MFSD8: variants seen among roughly 807,000 people sequenced by gnomAD.
MFSD8 encodes the protein major facilitator superfamily domain-containing protein 8.
Under a neutral mutation model 66.4 loss-of-function variants are expected in MFSD8, and 55 were observed. The observed-to-expected ratio is 0.83, with a 90% CI of 0.67 to 1.04. The LOEUF (loss-of-function observed/expected upper bound fraction) is 1.04, where lower values mean the gene tolerates loss of function less well. MFSD8 is among the 50% of genes least tolerant of loss of function. The probability of loss-of-function intolerance (pLI) is 0.00; values close to 1 mark genes in which losing one functional copy is unlikely to be tolerated. For synonymous variants in MFSD8, 202 were observed against 212.8 expected, an observed-to-expected ratio of 0.95 and a Z score of 0.44; for missense variants, 550 against 627.6, an observed-to-expected ratio of 0.88 and a Z score of 1.32.
chr4:127,920,820 C>T lies in MFSD8; in HGVS notation c.1367G>A (p.Trp456Ter). The T allele has an allele frequency of 1.2e-6, 2 of 1,613,888 alleles. No individual in the cohort carries two copies. The highest frequency in any genetic ancestry group is 1.7e-6 in the Non-Finnish European group (2 of 1,179,974). The change falls in exon 12 of 12, where the codon TGG (tryptophan) becomes TAG (stop). Residue 456 changes from tryptophan to a stop codon, truncating the protein, a stop_gained. Coordinates refer to ENST00000641686, the MANE Select transcript of MFSD8 (RefSeq NM_001371596.2). LOFTEE classifies it high-confidence loss of function. The part of the protein sequence containing the change: ...GPKPQGVYMG[W>*]LTASGSGARI... ...GGCTCCACTTCCAGATGCTGTTAAC[C>T]AGCCCATGTATACACCCTGTTGGGG... is the stretch of plus-strand genomic sequence containing the variant.
At chr4:127,923,539 T>TTA (rs1736662597) in intron 9 of MFSD8, among the ~76,000 whole-genome samples, 1 of 126,878 alleles carries the variant, frequency 7.9e-6, no homozygotes, top group African/African-American at 3.6e-5. Flanking sequence ...CAGTATTTTA[T>TTA]TTTTTATTTT....
Position 127,919,595 on chromosome 4 carries a change from CTTA to C in MFSD8, c.*1032_*1034del, listed in dbSNP as rs1351950011. ...GATTAAAGCCATTTTGCCTCAAATA[CTTA>C]TTAGCCTGACTAGTTTGGGGCTGTC... On this transcript the variant is annotated 3_prime_UTR_variant, in exon 12 of 12. Transcript: ENST00000641686. The C allele has an allele frequency of 1.3e-5, 2 of 152,070 alleles. No homozygotes were observed. The highest frequency in any genetic ancestry group is 2.9e-5 in the Non-Finnish European group (2 of 68,022). 9.4% of individuals were successfully genotyped at this position (152,070 alleles called of 1,614,324 possible).
At chr4:127,944,691 C>T (rs1383534415) in intron 3 of MFSD8, among the ~76,000 whole-genome samples, 1 of 152,008 alleles carries the variant, frequency 6.6e-6, no homozygotes, top group African/African-American at 2.4e-5. Context: ...GACAGGGTCT[C>T]ACTCTGACAT....
In MFSD8 at chr4:127,930,873, AAAGTG is replaced by A. The variant is rs1299374958; in HGVS notation, c.864-61_864-57del. 3.0e-5 allele frequency: 45 copies of A among 1,506,758 alleles called. No homozygotes were observed. In the Admixed American group the frequency reaches 6.0e-4, roughly 20 times the overall value. The allele number at this position is 1,506,758 out of a possible 1,614,324, so 93.3% of individuals were successfully genotyped here. On this transcript the variant is annotated intron_variant, in intron 8 of 11. Transcript: ENST00000641686. ...TTAAATCACAGTAACTGTTATACTT[AAAGTG>A]AAGTGTAAGTTTTAATAACGACATC...
chr4:127,935,957 C>T (rs1020575345), intron 7 of MFSD8, among the ~76,000 whole-genome samples: 1 of 152,098 alleles, frequency 6.6e-6, no homozygotes, highest in Non-Finnish European at 1.5e-5. Context: ...TGTAGATGCT[C>T]AGCATCTCAC....
In MFSD8 at chr4:127,921,662, T is replaced by C; in HGVS notation, c.1212A>G (p.Glu404=). The C allele has an allele frequency of 1.9e-6, 3 of 1,614,156 alleles. No homozygotes were observed. The highest frequency in any genetic ancestry group is 1.1e-5 in the South Asian group (1 of 91,080). The change falls in exon 11 of 12, where the codon GAA becomes GAG. Residue 404 remains glutamate (E), a synonymous_variant. Coordinates refer to ENST00000641686, the MANE Select transcript of MFSD8 (RefSeq NM_001371596.2). ...CCGGGGTGTAGAGGCACCAGGCTTG[T>C]TCAATCGAGCAACCAGTTGGTCTTT... ...DNERPTGCSI[E]QAWCLYTPVI...
At chr4:127,943,681 G>A in intron 4 of MFSD8, 71 bp downstream of exon 4, 1 of 1,587,622 alleles carries the variant, frequency 6.3e-7, no homozygotes, top group Non-Finnish European at 8.6e-7. Flanking sequence ...GATGAGACCA[G>A]TTAAAAGTGA....
At chr4:127,922,872 T>G (rs1436634045) in intron 9 of MFSD8, among the ~76,000 whole-genome samples, 1 of 152,154 alleles carries the variant, frequency 6.6e-6, no homozygotes, top group Admixed American at 6.6e-5. Context: ...TAATGATTCA[T>G]TAATGAATTA....
chr4:127,954,322 A>G (rs566211368), intron 2 of MFSD8, among the ~76,000 whole-genome samples: 2 of 152,342 alleles, frequency 1.3e-5, no homozygotes, highest in East Asian at 3.9e-4. Context: ...TAGAGGCAAC[A>G]AAAGATAAAA....
intron 11 of MFSD8, chr4:127,921,054 GCT>G: frequency 1.7e-6 from 1 of 589,950 alleles, no homozygotes; most frequent in Non-Finnish European, 3.0e-6. Flanking sequence ...CTTACTGTCT[GCT>G]GAAGCCCTGG....
At chr4:127,938,602 AATAAATAAATAAAT>A (rs1739537253) in intron 7 of MFSD8, among the ~76,000 whole-genome samples, 167 bp downstream of exon 7, 1 of 136,574 alleles carries the variant, frequency 7.3e-6, no homozygotes, top group South Asian at 2.2e-4. Flanking sequence ...AAAATAAATA[AATAAATAAATAAAT>A]AAATAAATAA....
chr4:127,934,373 G>C (rs1034997744), intron 7 of MFSD8, among the ~76,000 whole-genome samples: 4 of 152,010 alleles, frequency 2.6e-5, no homozygotes, highest in African/African-American at 9.7e-5. Flanking sequence ...TATAAATAAG[G>C]AGGACAAAGT....
chr4:127,927,010 C>T (rs1462542699), intron 9 of MFSD8, among the ~76,000 whole-genome samples: 3 of 152,190 alleles, frequency 2.0e-5, no homozygotes, highest in African/African-American at 7.2e-5. Flanking sequence ...CTATAATCTA[C>T]AGTATACTGT....
At chr4:127,952,335 C>T (rs1486191348) in intron 2 of MFSD8, among the ~76,000 whole-genome samples, 3 of 151,762 alleles carry the variant, frequency 2.0e-5, no homozygotes, top group Admixed American at 2.0e-4. Context: ...ACCCGGGAGG[C>T]GAAGCTTGCA....
At position 127,925,563 on chromosome 4, in the gene MFSD8, G is replaced by C. The variant is rs562148477; in HGVS notation, c.999-3600C>G. Among the ~76,000 whole-genome samples, 5 of 152,316 alleles carry C rather than the reference G, an allele frequency of 3.3e-5. No homozygotes were observed. In the East Asian group the frequency reaches 9.6e-4, roughly 29 times the overall value. On this transcript the variant is annotated intron_variant, in intron 9 of 11. Transcript: ENST00000641686. ...GATACCATCTCACACCAGTTAGAGT[G>C]GCAATCATTAAAAAGTCGGGGAACA...
At chr4:127,927,984 C>T (rs1282306892) in intron 9 of MFSD8, among the ~76,000 whole-genome samples, 1 of 152,072 alleles carries the variant, frequency 6.6e-6, no homozygotes, top group African/African-American at 2.4e-5. Flanking sequence ...TTTTAGCCTC[C>T]TAAATTGCTG....
chr4:127,921,313 C>T lies in MFSD8; in HGVS notation c.1350+211G>A, dbSNP rs1578792691. ...CACTTTACACTCTACCACAATGCCA[C>T]TCCTACAACTTCTGTATCCAAAACT... On this transcript the variant is annotated intron_variant, in intron 11 of 11. Coordinates refer to ENST00000641686, the MANE Select transcript of MFSD8 (RefSeq NM_001371596.2). 3 of 790,434 alleles carry T rather than the reference C, an allele frequency of 3.8e-6. No individual in the cohort carries two copies. The East Asian group carries it at 8.0e-5, about 21-fold the overall frequency. 49.0% of individuals were successfully genotyped at this position (790,434 alleles called of 1,614,324 possible).
intron 3 of MFSD8, among the ~76,000 whole-genome samples, chr4:127,944,286 C>T (rs1006139896): frequency 2.6e-5 from 4 of 152,070 alleles, no homozygotes; most frequent in Non-Finnish European, 4.4e-5. Context: ...ACACTATATA[C>T]GCATATAGCA....
chr4:127,939,112 T>G (rs1578884196), intron 6 of MFSD8: 1 of 249,866 alleles, frequency 4.0e-6, no homozygotes, highest in East Asian at 7.5e-5. Context: ...TTACAGTGAT[T>G]ATAAACATTA....
Sources: gnomAD v4.1 joint callset for allele counts (sites outside exome capture counted in the v4.1 genomes callset) on GRCh38, gnomAD v4.1.1 for gene constraint, MANE v1.5 for transcripts, NCBI Gene and HGNC (gene_info 2026-07-23, HGNC 2026-07-21) for gene names.